CAD: variants seen among roughly 807,000 people sequenced by gnomAD.
CAD encodes carbamoyl-phosphate synthetase 2, aspartate transcarbamylase, and dihydroorotase, also known as multifunctional protein CAD.
In CAD, 81 loss-of-function variants were observed where a neutral mutation model predicts 237.2. The observed-to-expected ratio is 0.34, with a 90% CI of 0.29 to 0.41. CAD has a LOEUF of 0.41. CAD is among the 10% of genes least tolerant of loss of function. CAD has a pLI of 1.00. For synonymous variants in CAD, 1,196 were observed against 1,162.8 expected, an observed-to-expected ratio of 1.03 and a Z score of -0.58; for missense variants, 2,181 against 2,951.7, an observed-to-expected ratio of 0.74 and a Z score of 6.05.
intron 5 of CAD, 33 bp downstream of exon 5, chr2:27,222,693 C>T (rs200002061): frequency 6.2e-7 from 1 of 1,602,788 alleles, no homozygotes; most frequent in East Asian, 2.2e-5. Flanking sequence ...GGGCCTCAGA[C>T]AAGCAGCTTG....
chr2:27,238,025 A>G (rs1330626252), intron 29 of CAD, 31 bp from the exon 30 acceptor site: 1 of 1,612,354 alleles, frequency 6.2e-7, no homozygotes, highest in Non-Finnish European at 8.5e-7. Flanking sequence ...GAGATTCTGC[A>G]CACTCCTTCA....
At chr2:27,226,402 T>C in intron 13 of CAD, 83 bp downstream of exon 13, 1 of 1,545,646 alleles carries the variant, frequency 6.5e-7, no homozygotes, top group South Asian at 1.2e-5. Flanking sequence ...TTGAGGTCTT[T>C]TGGGCTTACA....
In CAD at chr2:27,235,527, T is replaced by A; in HGVS notation, c.3970-9T>A. 6.2e-7 allele frequency: 1 copy of A among 1,613,982 alleles called. No homozygotes were observed. The highest frequency in any genetic ancestry group is 8.5e-7 in the Non-Finnish European group (1 of 1,179,878). ...AAGAAAACAATTTCATCCTTCTGTTTGGTTTCAGAACAAAAGCGAGCTGCT... is the reference window on the plus strand; with the variant it reads ...AAGAAAACAATTTCATCCTTCTGTTAGGTTTCAGAACAAAAGCGAGCTGCT... On this transcript the variant is annotated splice_polypyrimidine_tract_variant and intron_variant, in intron 24 of 43. Coordinates refer to ENST00000264705, the MANE Select transcript of CAD (RefSeq NM_004341.5). This position sits in a 1 kb window ranked among gnomAD's most constrained non-coding sequence, Gnocchi z 5.2.
Position 27,218,100 on chromosome 2 carries a change from T to C in CAD, c.222+84T>C, listed in dbSNP as rs578124837. On this transcript the variant is annotated intron_variant, in intron 2 of 43. Transcript: ENST00000264705. ...AGTGAAGTAGGAGACGTTGACACCC[T>C]GCTGGGCATCCTGCAGAAAACATAC... is the stretch of plus-strand genomic sequence containing the variant. The C allele has an allele frequency of 8.6e-5, 106 of 1,234,308 alleles. No homozygotes were observed. In the South Asian group the frequency reaches 1.5e-3, roughly 17 times the overall value. The allele number at this position is 1,234,308 out of a possible 1,614,324, so 76.5% of individuals were successfully genotyped here.
Position 27,222,315 on chromosome 2 carries a change from G to T in CAD, c.474G>T (p.Leu158=). 1 of 1,612,448 alleles carries T rather than the reference G, an allele frequency of 6.2e-7. No homozygotes were observed. Among genetic ancestry groups the T allele is most frequent in the Non-Finnish European group, 8.5e-7 (1 of 1,178,710 alleles). ...TCTTGGACCCCAATGCCCGCCCCCT[G>T]GTACCAGAGGTCTCCATTAAGGTAC... ...LPFLDPNARP[L]VPEVSIKTPR... The change falls in exon 4 of 44, where the codon CTG becomes CTT. Residue 158 remains leucine (L), a synonymous_variant. Coordinates refer to ENST00000264705, the MANE Select transcript of CAD (RefSeq NM_004341.5).
In CAD at chr2:27,240,436, C is replaced by G; in HGVS notation, c.5593+75C>G. 6.7e-7 allele frequency: 1 copy of G among 1,503,174 alleles called. No homozygotes were observed. Among genetic ancestry groups the G allele is most frequent in the Non-Finnish European group, 9.3e-7 (1 of 1,079,170 alleles). The allele number at this position is 1,503,174 out of a possible 1,614,324, so 93.1% of individuals were successfully genotyped here. A position where few individuals can be genotyped will look rare whatever the true frequency, so the allele number is the denominator to read the frequency against. Reference sequence around the variant, plus strand: ...CTTCTTCCCAGTGCCTCGCCTTTCTCTACTTACATGTCCTCCTCTCCATCC... The same window carrying G: ...CTTCTTCCCAGTGCCTCGCCTTTCTGTACTTACATGTCCTCCTCTCCATCC... On this transcript the variant is annotated intron_variant, in intron 35 of 43. Transcript: ENST00000264705. This position sits in a 1 kb window ranked among gnomAD's most constrained non-coding sequence, Gnocchi z 4.6.
rs570760576 is a variant in CAD at position 27,243,942 on chromosome 2, A to C, written c.*424A>C. On this transcript the variant is annotated 3_prime_UTR_variant, in exon 44 of 44. Transcript: ENST00000264705. ...CTTTGGGACTCGGCAGGAGCGTGTT[A>C]ACTCTGTGCTCTCTGAGTCCTGTGT... The C allele has an allele frequency of 3.9e-5, 7 of 178,414 alleles. No homozygotes were observed. In the East Asian group the frequency reaches 1.0e-3, roughly 26 times the overall value. 11.1% of individuals were successfully genotyped at this position (178,414 alleles called of 1,614,324 possible).
chr2:27,238,042 C>A lies in CAD; in HGVS notation c.4729-14C>A, dbSNP rs370009402. Reference sequence around the variant, plus strand: ...GATTCTGCACACTCCTTCATCAGTTCTTTCTGCTCCCAGCATTTCGAGACA... The same window carrying A: ...GATTCTGCACACTCCTTCATCAGTTATTTCTGCTCCCAGCATTTCGAGACA... On this transcript the variant is annotated splice_polypyrimidine_tract_variant and intron_variant, in intron 29 of 43. Coordinates refer to ENST00000264705, the MANE Select transcript of CAD (RefSeq NM_004341.5). 2 of 1,613,874 alleles carry A rather than the reference C, an allele frequency of 1.2e-6. No homozygotes were observed. The highest frequency in any genetic ancestry group is 1.7e-6 in the Non-Finnish European group (2 of 1,179,810).
In CAD at chr2:27,217,535, C is replaced by T. The variant is rs772735824; in HGVS notation, c.-17C>T. ...CCCGCTTCTCCGTACTCGCCCCCGC[C>T]TCTGAGCTCCCTTCCCATGGCGGCC... On this transcript the variant is annotated 5_prime_UTR_variant, in exon 1 of 44. Transcript: ENST00000264705. The T allele has an allele frequency of 3.4e-5, 54 of 1,596,860 alleles. No individual in the cohort carries two copies. The highest frequency in any genetic ancestry group is 3.4e-4 in the Middle Eastern group (2 of 5,916).
rs1468917525 is a variant in CAD at position 27,237,166 on chromosome 2, G to GGT, written c.4397-207_4397-206dup. 6.6e-6 allele frequency among the ~76,000 whole-genome samples: 1 copy of GGT among 151,972 alleles called. No individual in the cohort carries two copies. Among genetic ancestry groups the GGT allele is most frequent in the Admixed American group, 6.6e-5 (1 of 15,250 alleles). The stretch of plus-strand genomic sequence containing the variant: ...AGCCTCCCAAGTAGCTGGGATTACA[G>GGT]GTGTGTGCTACCACACCAGGCTAAT... On this transcript the variant is annotated intron_variant, in intron 27 of 43. Coordinates refer to ENST00000264705, the MANE Select transcript of CAD (RefSeq NM_004341.5). This position sits in a 1 kb window ranked among gnomAD's most constrained non-coding sequence, Gnocchi z 4.0.
intron 9 of CAD, 80 bp from the exon 10 acceptor site, chr2:27,224,665 G>A (rs1675343074): frequency 1.3e-6 from 2 of 1,575,124 alleles, no homozygotes; most frequent in South Asian, 2.2e-5. Flanking sequence ...GGGAGGGAAA[G>A]AAGAGGAGAA....
chr2:27,223,081 A>T, intron 6 of CAD, 44 bp downstream of exon 6: 2 of 1,570,806 alleles, frequency 1.3e-6, no homozygotes, highest in Non-Finnish European at 1.7e-6. Context: ...TTGTGGCATG[A>T]GGGGTGGGGT....
chr2:27,240,308 G>A lies in CAD; in HGVS notation c.5540G>A (p.Gly1847Asp). ...CGTGGCATCCCAGGGCTTCCTGATG[G>A]CCGCTTCCATCTGCCGCCCCGAATC... ...PRRGIPGLPD[G>D]RFHLPPRIHR... Residue 1847 changes from glycine to aspartate, a missense_variant, in exon 35 of 44, where the codon GGC becomes GAC. By Grantham distance (94) the Gly-to-Asp change is moderately conservative (BLOSUM62 -1). This residue lies in a region of CAD where 203 missense variants were observed against 284.5 expected (regional missense o/e 0.71). Coordinates refer to ENST00000264705, the MANE Select transcript of CAD (RefSeq NM_004341.5). The surrounding 1 kb of genome is among the most constrained non-coding windows in gnomAD (Gnocchi z 4.6). The A allele has an allele frequency of 6.2e-7, 1 of 1,613,944 alleles. No individual in the cohort carries two copies. Among genetic ancestry groups the A allele is most frequent in the Non-Finnish European group, 8.5e-7 (1 of 1,180,004 alleles).
In CAD at chr2:27,238,418, C is replaced by G; in HGVS notation, c.4861-13C>G. ...GGGTGGTGCCTCTTCTGGATCTTCC[C>G]ATTGTTCCCCAGATCCTGCTAATTA... is the stretch of plus-strand genomic sequence containing the variant. On this transcript the variant is annotated splice_polypyrimidine_tract_variant and intron_variant, in intron 30 of 43. Coordinates refer to ENST00000264705, the MANE Select transcript of CAD (RefSeq NM_004341.5). 1.3e-6 allele frequency: 2 copies of G among 1,556,576 alleles called. No homozygotes were observed. Among genetic ancestry groups the G allele is most frequent in the Non-Finnish European group, 1.7e-6 (2 of 1,150,308 alleles).
chr2:27,231,880 G>C, intron 16 of CAD, 100 bp from the exon 17 acceptor site: 1 of 1,417,410 alleles, frequency 7.1e-7, no homozygotes, highest in Non-Finnish European at 9.8e-7. Flanking sequence ...CCTGTGCTCT[G>C]GTGTACAGTT....
Position 27,223,044 on chromosome 2 carries a change from C to T in CAD, c.809+7C>T, listed in dbSNP as rs1170181939. 6.2e-7 allele frequency: 1 copy of T among 1,613,632 alleles called. No homozygotes were observed. Among genetic ancestry groups the T allele is most frequent in the Non-Finnish European group, 8.5e-7 (1 of 1,179,888 alleles). On this transcript the variant is annotated splice_region_variant and intron_variant, in intron 6 of 43. Transcript: ENST00000264705. ...CCAAGACTTACAAGATGAGGTGGGA[C>T]TTGTGGGGAGCAGAAGGGGCCCATA...
chr2:27,242,352 C>T lies in CAD; in HGVS notation c.6147C>T (p.Val2049=), dbSNP rs150228828. 174 of 1,613,814 alleles carry T rather than the reference C, an allele frequency of 1.1e-4. No individual in the cohort carries two copies. The highest frequency in any genetic ancestry group is 1.4e-4 in the Non-Finnish European group (165 of 1,179,914). The change falls in exon 40 of 44, where the codon GTC becomes GTT. Residue 2049 remains valine (V), a synonymous_variant. Transcript: ENST00000264705. This position sits in a 1 kb window ranked among gnomAD's most constrained non-coding sequence, Gnocchi z 6.4. ...CAGTGATCAATGCTGGGGATGGGGTCGGAGAGCACCCCACCCAGGCCCTGC... is the reference window on the plus strand; with the variant it reads ...CAGTGATCAATGCTGGGGATGGGGTTGGAGAGCACCCCACCCAGGCCCTGC... ...RRPVINAGDG[V]GEHPTQALLD...
intron 30 of CAD, 119 bp from the exon 31 acceptor site, chr2:27,238,312 G>A (rs1317180507): frequency 2.0e-6 from 3 of 1,465,916 alleles, no homozygotes; most frequent in Non-Finnish European, 2.8e-6. Context: ...AGGGTCTCGA[G>A]CCAGCACCCT....
rs1416993911 is a variant in CAD, at chr2:27,240,615, G to A, written c.5593+254G>A. ...GGGATCCCACGGGGCAGCAGAGCGT[G>A]GGGTAAATCCAGGTTGTTGGTTGGT... On this transcript the variant is annotated intron_variant, in intron 35 of 43. Coordinates refer to ENST00000264705, the MANE Select transcript of CAD (RefSeq NM_004341.5). This position sits in a 1 kb window ranked among gnomAD's most constrained non-coding sequence, Gnocchi z 4.6. The A allele has an allele frequency of 6.5e-7, 1 of 1,543,824 alleles. No homozygotes were observed. Among genetic ancestry groups the A allele is most frequent in the Admixed American group, 2.0e-5 (1 of 50,738 alleles).
Sources: gnomAD v4.1 joint callset for allele counts (sites outside exome capture counted in the v4.1 genomes callset) on GRCh38, gnomAD v4.1.1 for gene constraint, gnomAD v4.1.1 regional missense constraint, Gnocchi (gnomAD v3.1) non-coding constraint, MANE v1.5 for transcripts, NCBI Gene and HGNC (gene_info 2026-07-23, HGNC 2026-07-21) for gene names.